The following MTFR1 variants were observed in gnomAD, a reference collection of about 807,000 sequenced individuals.
MTFR1 encodes chondrocyte protein with a poly-proline region.
Under a neutral mutation model 38.8 loss-of-function variants are expected in MTFR1, and 28 were observed. The ratio of observed to expected loss-of-function variants is 0.72; its 90% CI spans 0.53 to 0.99. MTFR1 has a LOEUF of 0.99. Among genes scored for constraint, MTFR1 ranks in the 50% least tolerant of loss-of-function variants. The probability of loss-of-function intolerance (pLI) is 0.00; values close to 1 mark genes in which losing one functional copy is unlikely to be tolerated. For synonymous variants in MTFR1, 145 were observed against 137.0 expected (o/e 1.06, Z -0.41); for missense variants, 358 against 395.5 (o/e 0.91, Z 0.81).
rs1198660456 is a variant in MTFR1, at chr8:65,727,441, T to A, written c.*48+7960T>A. Reference sequence around the variant, plus strand: ...ACGTCATTCCTCAGGTGGTTGTTCATTAGGTTCACCAAGCACATCTGCCAG... The same window carrying A: ...ACGTCATTCCTCAGGTGGTTGTTCAATAGGTTCACCAAGCACATCTGCCAG... On this transcript the variant is annotated intron_variant, in intron 3 of 3. Transcript: ENST00000521247. 2.4e-6 allele frequency: 3 copies of A among 1,229,890 alleles called. No homozygotes were observed. The East Asian group carries it at 7.7e-5, about 32-fold the overall frequency. The allele number at this position is 1,229,890 out of a possible 1,614,324, so 76.2% of individuals were successfully genotyped here. A position where few individuals can be genotyped will look rare whatever the true frequency, so the allele number is the denominator to read the frequency against.
intron 3 of MTFR1, among the ~76,000 whole-genome samples, chr8:65,724,609 A>AT (rs1806531093): frequency 6.6e-6 from 1 of 152,198 alleles, no homozygotes; most frequent in Non-Finnish European, 1.5e-5. Flanking sequence ...TAGGTAGCAG[A>AT]TTCACCAGTG....
chr8:65,684,998 C>G (rs1274179415), intron 3 of MTFR1, among the ~76,000 whole-genome samples: 1 of 152,126 alleles, frequency 6.6e-6, no homozygotes, highest in African/African-American at 2.4e-5. Flanking sequence ...GAGTGAAACT[C>G]TGTCTCAAAA....
intron 3 of MTFR1, among the ~76,000 whole-genome samples, chr8:65,760,990 C>G (rs1263621188): frequency 1.3e-5 from 2 of 152,132 alleles, no homozygotes; most frequent in Non-Finnish European, 2.9e-5. Flanking sequence ...GTACTTTCAT[C>G]CGAACAATTA....
chr8:65,719,646 A>C, intron 3 of MTFR1: 3 of 621,364 alleles, frequency 4.8e-6, no homozygotes, highest in Non-Finnish European at 8.5e-6. Context: ...TAGGTGACAG[A>C]GTCTGTAATG....
rs191390711 is a variant in MTFR1, at chr8:65,723,281, G to A, written c.*48+3800G>A. 1,387 of 220,138 alleles carry A rather than the reference G, an allele frequency of 6.3e-3. 12 individuals are homozygous for A. Among genetic ancestry groups the A allele is most frequent in the South Asian group, 0.029 (164 of 5,692 alleles). 13.6% of individuals were successfully genotyped at this position (220,138 alleles called of 1,614,324 possible). Reference sequence around the variant, plus strand: ...ATGCAAAAGAAGCTTCCACATGAGCGAATAATGGATTCTTATTTACATAAG... The same window carrying A: ...ATGCAAAAGAAGCTTCCACATGAGCAAATAATGGATTCTTATTTACATAAG... On this transcript the variant is annotated intron_variant, in intron 3 of 3. Coordinates refer to the MTFR1 transcript ENST00000521247.
At chr8:65,745,447 AT>A in intron 3 of MTFR1, 1 of 1,573,598 alleles carries the variant, frequency 6.4e-7, no homozygotes, top group Non-Finnish European at 8.7e-7. Flanking sequence ...CAAAATTCCA[AT>A]TTCCAACTTT....
chr8:65,682,465 T>C lies in MTFR1; in HGVS notation c.165+14T>C. Reference sequence around the variant, plus strand: ...GTTCAGTTTCAGGTATTATATTTTATATATTTTAAGTATTTTATTAATATG... The same window carrying C: ...GTTCAGTTTCAGGTATTATATTTTACATATTTTAAGTATTTTATTAATATG... On this transcript the variant is annotated intron_variant, in intron 3 of 7. Coordinates refer to ENST00000262146, the MANE Select transcript of MTFR1 (RefSeq NM_014637.4). 1 of 1,273,818 alleles carries C rather than the reference T, an allele frequency of 7.9e-7. No homozygotes were observed. Among genetic ancestry groups the C allele is most frequent in the Non-Finnish European group, 1.0e-6 (1 of 961,282 alleles). 78.9% of individuals were successfully genotyped at this position (1,273,818 alleles called of 1,614,324 possible). A position where few individuals can be genotyped will look rare whatever the true frequency, so the allele number is the denominator to read the frequency against.
At chr8:65,749,415 C>T (rs1161340445) in intron 3 of MTFR1, among the ~76,000 whole-genome samples, 1 of 152,146 alleles carries the variant, frequency 6.6e-6, no homozygotes, top group Non-Finnish European at 1.5e-5. Flanking sequence ...TCCCATTTTT[C>T]ATTCCAGTGA....
Position 65,704,706 on chromosome 8 carries a change from A to T in MTFR1, c.294A>T (p.Arg98Ser). 6.2e-7 allele frequency: 1 copy of T among 1,614,126 alleles called. No homozygotes were observed. The highest frequency in any genetic ancestry group is 8.5e-7 in the Non-Finnish European group (1 of 1,180,006). ...ECSARLRTEV[R>S]SRPPLQDDLL... Reference sequence around the variant, plus strand: ...GTCTTCCTTGCAGGACAGAGGTCAGATCAAGGCCACCCCTTCAGGATGACC... The same window carrying T: ...GTCTTCCTTGCAGGACAGAGGTCAGTTCAAGGCCACCCCTTCAGGATGACC... Residue 98 changes from arginine to serine, a missense_variant, in exon 5 of 8, where the codon AGA becomes AGT. Arg to Ser is a moderately radical substitution (Grantham distance 110). Coordinates refer to ENST00000262146, the MANE Select transcript of MTFR1 (RefSeq NM_014637.4).
chr8:65,775,556 CT>C (rs1809235557), downstream of MTFR1, among the ~76,000 whole-genome samples: 1 of 152,134 alleles, frequency 6.6e-6, no homozygotes, highest in African/African-American at 2.4e-5. Context: ...GTGGCCAGGC[CT>C]TTTTGTTTTC....
rs183995448 is a variant in MTFR1, at chr8:65,769,995, T to G, written c.*49-952T>G. The stretch of plus-strand genomic sequence containing the variant: ...TGAATAATTTCATAATACCATACTC[T>G]TAAAAATTTTTGTCCAGAGATAATT... On this transcript the variant is annotated intron_variant, in intron 3 of 3. Coordinates refer to the MTFR1 transcript ENST00000521247. Among the ~76,000 whole-genome samples, 55 of 152,328 alleles carry G rather than the reference T, an allele frequency of 3.6e-4. 1 individual carries two copies. The highest frequency in any genetic ancestry group is 3.2e-3 in the Admixed American group (49 of 15,294).
At chr8:65,648,055 A>T (rs547879142) in intron 1 of MTFR1, among the ~76,000 whole-genome samples, 1 of 152,228 alleles carries the variant, frequency 6.6e-6, no homozygotes, top group East Asian at 1.9e-4. Context: ...TCTGTCACCC[A>T]GACTGGAGTG....
At chr8:65,658,132 C>T (rs67578481) in intron 1 of MTFR1, among the ~76,000 whole-genome samples, 29,197 of 152,030 alleles carry the variant, frequency 0.19, 2,959 homozygotes, top group Middle Eastern at 0.23. Context: ...TGAGTCATTC[C>T]CATCTTTCAT....
At chr8:65,759,315 C>G (rs1485613110) in intron 3 of MTFR1, among the ~76,000 whole-genome samples, 1 of 152,218 alleles carries the variant, frequency 6.6e-6, no homozygotes, top group South Asian at 2.1e-4. Context: ...ACAGATGCCA[C>G]TGGGGGAAAC....
chr8:65,727,437 T>C, intron 3 of MTFR1: 3 of 1,244,022 alleles, frequency 2.4e-6, no homozygotes, highest in South Asian at 1.5e-5. Flanking sequence ...CAGGTGGTTG[T>C]TCATTAGGTT....
chr8:65,723,243 G>A (rs1049678687), intron 3 of MTFR1: 2 of 177,406 alleles, frequency 1.1e-5, no homozygotes, highest in African/African-American at 4.7e-5. Flanking sequence ...TTTTTAAATG[G>A]CAGTCCCAAA....
chr8:65,729,666 C>T (rs562622653), intron 3 of MTFR1, among the ~76,000 whole-genome samples: 87 of 151,564 alleles, frequency 5.7e-4, no homozygotes, highest in African/African-American at 2.0e-3. Context: ...CAGGTTCAAT[C>T]GATTCTCTTA....
At chr8:65,663,452 T>G (rs1804264589) in intron 1 of MTFR1, among the ~76,000 whole-genome samples, 1 of 151,302 alleles carries the variant, frequency 6.6e-6, no homozygotes, top group South Asian at 2.1e-4. Context: ...CTTGTTTATC[T>G]GCTGACCTTC....
At chr8:65,711,183 A>C (rs1805934105), downstream of MTFR1, among the ~76,000 whole-genome samples, 2 of 152,174 alleles carry the variant, frequency 1.3e-5, no homozygotes, top group African/African-American at 4.8e-5. Flanking sequence ...AAAAGGCATC[A>C]TCCTATGCAC....
Sources: gnomAD v4.1 joint callset for allele counts (sites outside exome capture counted in the v4.1 genomes callset) on GRCh38, gnomAD v4.1.1 for gene constraint, MANE v1.5 for transcripts, NCBI Gene and HGNC (gene_info 2026-07-23, HGNC 2026-07-21) for gene names.